SOS1: variants seen among roughly 807,000 people sequenced by gnomAD.
SOS1 encodes son of sevenless homolog 1.
A neutral mutation model predicts 157.6 loss-of-function variants in SOS1; 25 were observed. The ratio of observed to expected loss-of-function variants is 0.16; its 90% confidence interval spans 0.12 to 0.22. The LOEUF (loss-of-function observed/expected upper bound fraction) is 0.22, where lower values mean the gene tolerates loss of function less well. SOS1 is among the 10% of genes least tolerant of loss of function. The probability of loss-of-function intolerance (pLI) is 1.00; values close to 1 mark genes in which losing one functional copy is unlikely to be tolerated. For missense variants in SOS1, 1,237 were observed against 1,599.1 expected (o/e 0.77, Z 3.86); for synonymous variants, 528 against 534.0 (o/e 0.99, Z 0.16).
At chr2:39,071,383 T>C (rs2148148166) in intron 1 of SOS1, among the ~76,000 whole-genome samples, 1 of 152,306 alleles carries the variant, frequency 6.6e-6, no homozygotes. Flanking sequence ...AAAACTTGGC[T>C]TGAAGTATGT....
At position 39,013,973 on chromosome 2, in the gene SOS1, G is replaced by C; in HGVS notation, c.1957C>G (p.Pro653Ala). 3.1e-6 allele frequency: 5 copies of C among 1,604,118 alleles called. No homozygotes were observed. The South Asian group carries it at 5.5e-5, about 18-fold the overall frequency. The part of the protein sequence containing the change: ...LIIERFEIPE[P>A]EPTEADRIAI... ...ATGCGATCAGCTTCTGTTGGCTCAGGCTCTGGAATTTCAAACCTAACATAA... is the reference window on the plus strand; with the variant it reads ...ATGCGATCAGCTTCTGTTGGCTCAGCCTCTGGAATTTCAAACCTAACATAA... The change falls in exon 12 of 23, where the codon CCT becomes GCT. Residue 653 changes from proline (P) to alanine (A), a missense_variant. Physicochemically the swap from Pro to Ala is conservative, Grantham distance 27. Around this residue, in one of 15 missense-constraint regions of SOS1, gnomAD observed 55 missense variants for 43.1 expected, o/e 1.27. Coordinates refer to ENST00000402219, the MANE Select transcript of SOS1 (RefSeq NM_005633.4).
intron 14 of SOS1, 143 bp downstream of exon 14, chr2:39,011,983 T>C: frequency 1.5e-6 from 1 of 687,586 alleles, no homozygotes; most frequent in Non-Finnish European, 2.6e-6. Flanking sequence ...GAACAGGAAC[T>C]GCCTGCCTGG....
chr2:39,026,887 CAT>C (rs1178773335), intron 8 of SOS1, among the ~76,000 whole-genome samples: 5 of 152,088 alleles, frequency 3.3e-5, no homozygotes, highest in Admixed American at 2.0e-4. Context: ...AAAAAAATCT[CAT>C]AATGTTTTAA....
At position 39,087,813 on chromosome 2, in the gene SOS1, G is replaced by C. The variant is rs538004065; in HGVS notation, c.88-20060C>G. 6.0e-4 allele frequency among the ~76,000 whole-genome samples: 92 copies of C among 152,068 alleles called. 1 individual carries two copies. The highest frequency in any genetic ancestry group is 2.1e-4 in the Non-Finnish European group (14 of 67,992). On this transcript the variant is annotated intron_variant, in intron 1 of 22. Transcript: ENST00000402219. ...CCCACCTCGGCCTCTAGCGTAACTG[G>C]GACTACAGGTGTGTGCCACCATGCC...
At chr2:39,069,830 G>A (rs917430085) in intron 1 of SOS1, among the ~76,000 whole-genome samples, 3 of 152,220 alleles carry the variant, frequency 2.0e-5, no homozygotes, top group Non-Finnish European at 2.9e-5. Context: ...TTACAGGCAT[G>A]AGCCACTGTG....
At chr2:39,099,087 G>A (rs1004121912) in intron 1 of SOS1, among the ~76,000 whole-genome samples, 5 of 152,094 alleles carry the variant, frequency 3.3e-5, no homozygotes, top group African/African-American at 1.2e-4. Flanking sequence ...AAGATGGCTA[G>A]AATAAAAAAG....
At chr2:39,122,447 T>TACACACACACACACACAC (rs70954783), upstream of SOS1, among the ~76,000 whole-genome samples, 2 of 142,098 alleles carry the variant, frequency 1.4e-5, no homozygotes, top group African/African-American at 5.2e-5. Flanking sequence ...AAAAAAAATA[T>TACACACACACACACACAC]ACACACACAC....
intron 10 of SOS1, among the ~76,000 whole-genome samples, chr2:39,021,265 T>C (rs1669785678): frequency 6.6e-6 from 1 of 151,588 alleles, no homozygotes; most frequent in Non-Finnish European, 1.5e-5. Flanking sequence ...CCAGTTAATT[T>C]TGCTTTAAAG....
intron 1 of SOS1, among the ~76,000 whole-genome samples, chr2:39,104,385 A>G (rs959755680): frequency 1.3e-5 from 2 of 152,238 alleles, no homozygotes; most frequent in African/African-American, 4.8e-5. Flanking sequence ...AAGATGCTTA[A>G]TATCATTACT....
intron 1 of SOS1, among the ~76,000 whole-genome samples, chr2:39,111,722 CCTT>C (rs1673442157): frequency 6.8e-6 from 1 of 147,692 alleles, no homozygotes. Context: ...TCTCTGGAAT[CCTT>C]TTTTTTTTTT....
At chr2:39,059,277 A>C (rs1436260456) in intron 2 of SOS1, among the ~76,000 whole-genome samples, 1 of 152,184 alleles carries the variant, frequency 6.6e-6, no homozygotes, top group African/African-American at 2.4e-5. Flanking sequence ...TTTACAAATC[A>C]TGGAAAGCAA....
chr2:39,088,574 ATAG>A (rs1354975473), intron 1 of SOS1, among the ~76,000 whole-genome samples: 1 of 152,190 alleles, frequency 6.6e-6, no homozygotes, highest in African/African-American at 2.4e-5. Flanking sequence ...GTGAAATCAT[ATAG>A]TATTTGTCCT....
intron 17 of SOS1, among the ~76,000 whole-genome samples, chr2:39,002,890 C>T (rs144901442): frequency 6.6e-6 from 1 of 152,004 alleles, no homozygotes; most frequent in East Asian, 1.9e-4. Flanking sequence ...CCTGGTGAAA[C>T]CCTGTATCTA....
intron 1 of SOS1, among the ~76,000 whole-genome samples, chr2:39,083,050 T>C (rs74419513): frequency 6.6e-6 from 1 of 152,198 alleles, no homozygotes; most frequent in Non-Finnish European, 1.5e-5. Flanking sequence ...GTAGATAAAA[T>C]TGGTTTTTGT....
intron 1 of SOS1, among the ~76,000 whole-genome samples, chr2:39,100,532 A>G (rs1672928687): frequency 6.6e-6 from 1 of 152,226 alleles, no homozygotes; most frequent in Non-Finnish European, 1.5e-5. Flanking sequence ...CCCAGAGGAC[A>G]TTACACTCAG....
intron 15 of SOS1, 100 bp from the exon 16 acceptor site, chr2:39,007,293 G>C: frequency 3.8e-6 from 3 of 790,168 alleles, no homozygotes; most frequent in East Asian, 2.5e-5. Context: ...GAGTAGGGGG[G>C]TGGCGATAGT....
intron 17 of SOS1, among the ~76,000 whole-genome samples, chr2:39,000,471 C>T (rs1202268068): frequency 2.0e-5 from 3 of 151,792 alleles, no homozygotes; most frequent in Non-Finnish European, 4.4e-5. Context: ...TCTAGTTACT[C>T]CTGTACTTCA....
At chr2:39,073,171 T>C (rs1039712742) in intron 1 of SOS1, among the ~76,000 whole-genome samples, 3 of 152,230 alleles carry the variant, frequency 2.0e-5, no homozygotes, top group Non-Finnish European at 4.4e-5. Context: ...CTATACAGAA[T>C]AGGTTACCCT....
At chr2:39,123,152 CTG>C (rs1673951737), upstream of SOS1, among the ~76,000 whole-genome samples, 1 of 152,178 alleles carries the variant, frequency 6.6e-6, no homozygotes, top group Non-Finnish European at 1.5e-5. Flanking sequence ...GAACCCCTAA[CTG>C]TTCCCTTGGC....
Sources: gnomAD v4.1 joint callset for allele counts (sites outside exome capture counted in the v4.1 genomes callset) on GRCh38, gnomAD v4.1.1 for gene constraint, gnomAD v4.1.1 regional missense constraint, MANE v1.5 for transcripts, NCBI Gene and HGNC (gene_info 2026-07-23, HGNC 2026-07-21) for gene names.